The following ZC3HAV1 variants were observed in gnomAD, a reference collection of about 807,000 sequenced individuals.
ZC3HAV1 encodes zinc finger CCCH-type containing, antiviral 1.
Under a neutral mutation model 86.6 loss-of-function variants are expected in ZC3HAV1, and 41 were observed. That is an observed-to-expected ratio of 0.47 (90% CI 0.37 to 0.61). The LOEUF (loss-of-function observed/expected upper bound fraction) is 0.61, where lower values mean the gene tolerates loss of function less well. Among genes scored for constraint, ZC3HAV1 ranks in the 20% least tolerant of loss-of-function variants. ZC3HAV1 has a pLI of 0.00. For synonymous variants in ZC3HAV1, 421 were observed against 432.1 expected, an observed-to-expected ratio of 0.97 and a Z score of 0.32; for missense variants, 964 against 1,141.1, an observed-to-expected ratio of 0.84 and a Z score of 2.24.
intron 1 of ZC3HAV1, among the ~76,000 whole-genome samples, chr7:139,098,144 T>A (rs1278817085): frequency 6.6e-6 from 1 of 151,956 alleles, no homozygotes; most frequent in Non-Finnish European, 1.5e-5. Context: ...GAGATGGGGT[T>A]CCACCATCTC....
At chr7:139,068,435 C>A in intron 7 of ZC3HAV1, among the ~76,000 whole-genome samples, 1 of 152,146 alleles carries the variant, frequency 6.6e-6, no homozygotes, top group East Asian at 1.9e-4. Flanking sequence ...TCGTCTTGCA[C>A]CTGCTGTTTT....
intron 7 of ZC3HAV1, among the ~76,000 whole-genome samples, chr7:139,070,763 CTGAGGTCAGG>C (rs1241187291): frequency 3.3e-5 from 5 of 150,282 alleles, no homozygotes; most frequent in African/African-American, 1.2e-4. Flanking sequence ...GGCAGATCAC[CTGAGGTCAGG>C]AGTTCAAGAC....
intron 1 of ZC3HAV1, among the ~76,000 whole-genome samples, chr7:139,097,372 ATC>A (rs1455480286): frequency 1.5e-5 from 2 of 133,218 alleles, no homozygotes; most frequent in East Asian, 4.8e-4. Flanking sequence ...AAAACAATCC[ATC>A]ATGGATGGAA....
At chr7:139,076,511 C>A in intron 5 of ZC3HAV1, 102 bp from the exon 6 acceptor site, 5 of 1,483,070 alleles carry the variant, frequency 3.4e-6, no homozygotes, top group Non-Finnish European at 4.6e-6. Context: ...TGCCCTGCCC[C>A]CTGCCAGACA....
At position 139,056,036 on chromosome 7, in the gene ZC3HAV1, G is replaced by A. The variant is rs145302407; in HGVS notation, c.2097-741C>T. ...TAAGATGGGACAGAACCACTGGTAC[G>A]AAGCCATCAATTGTATAGCATACTT... On this transcript the variant is annotated intron_variant, in intron 9 of 12. Coordinates refer to ENST00000242351, the MANE Select transcript of ZC3HAV1 (RefSeq NM_020119.4). Among the ~76,000 whole-genome samples the A allele has an allele frequency of 4.6e-5, 7 of 152,276 alleles. No homozygotes were observed. The East Asian group carries it at 7.7e-4, about 17-fold the overall frequency.
rs536851474 is a variant in ZC3HAV1, at chr7:139,086,178, C to T, written c.445-2146G>A. Among the ~76,000 whole-genome samples, 146 of 152,220 alleles carry T rather than the reference C, an allele frequency of 9.6e-4. 2 individuals are homozygous for T. The highest frequency in any genetic ancestry group is 3.3e-3 in the African/African-American group (138 of 41,534). ...CTATGAAAAAATTCCATCCTACTCC[C>T]CTAAGTTAAAACACTCCTTTAGAGC... On this transcript the variant is annotated intron_variant, in intron 2 of 12. Coordinates refer to ENST00000242351, the MANE Select transcript of ZC3HAV1 (RefSeq NM_020119.4).
chr7:139,086,922 C>T (rs1306753522), intron 2 of ZC3HAV1, among the ~76,000 whole-genome samples: 1 of 152,180 alleles, frequency 6.6e-6, no homozygotes, highest in Admixed American at 6.5e-5. Flanking sequence ...CCAATTAAAC[C>T]TCTTTTCTTT....
Position 139,053,618 on chromosome 7 carries a change from C to G in ZC3HAV1, c.2319-37G>C, listed in dbSNP as rs374915446. 3.9e-6 allele frequency: 6 copies of G among 1,535,928 alleles called. No homozygotes were observed. In the African/African-American group the frequency reaches 8.3e-5, roughly 21 times the overall value. ...GATGTGAGACTTAACACGGAGACAT[C>G]CCCTTCCCACTCCAGTTGATAACAT... On this transcript the variant is annotated intron_variant, in intron 11 of 12. Transcript: ENST00000242351.
At chr7:139,074,394 G>A (rs182086716) in intron 6 of ZC3HAV1, among the ~76,000 whole-genome samples, 2 of 152,220 alleles carry the variant, frequency 1.3e-5, no homozygotes, top group Admixed American at 1.3e-4. Context: ...AAAATGTGGA[G>A]ACCCTTGCAG....
At chr7:139,097,428 A>ATATATTT in intron 1 of ZC3HAV1, among the ~76,000 whole-genome samples, 36 of 48,164 alleles carry the variant, frequency 7.5e-4, no homozygotes, top group African/African-American at 3.7e-3. Flanking sequence ...ATATATATAT[A>ATATATTT]TTTTTTTTTT....
intron 9 of ZC3HAV1, among the ~76,000 whole-genome samples, chr7:139,056,107 A>G (rs1816272772): frequency 6.6e-6 from 1 of 152,186 alleles, no homozygotes; most frequent in South Asian, 2.1e-4. Flanking sequence ...AAATCTAATG[A>G]TCAATTTATA....
intron 1 of ZC3HAV1, among the ~76,000 whole-genome samples, chr7:139,092,578 C>A (rs936458815): frequency 1.3e-5 from 2 of 152,218 alleles, no homozygotes; most frequent in Admixed American, 6.5e-5. Context: ...AGGAGTGTGG[C>A]ACTTCCAGGG....
chr7:139,066,277 C>T (rs974019593), intron 7 of ZC3HAV1, among the ~76,000 whole-genome samples: 4 of 152,076 alleles, frequency 2.6e-5, no homozygotes, highest in East Asian at 1.9e-4. Flanking sequence ...TCAGCTGGAC[C>T]GACGCCCCTT....
intron 4 of ZC3HAV1, chr7:139,079,126 CCTTGTGAGCTCG>C: frequency 6.5e-7 from 1 of 1,536,162 alleles, no homozygotes; most frequent in Non-Finnish European, 8.7e-7. Context: ...CTGTTGTCTT[CCTTGTGAGCTCG>C]CTGGCAGAGG....
chr7:139,094,895 C>T (rs940558488), intron 1 of ZC3HAV1, among the ~76,000 whole-genome samples: 12 of 151,926 alleles, frequency 7.9e-5, no homozygotes, highest in East Asian at 1.9e-4. Flanking sequence ...ATGTTCACCT[C>T]GGAGCTCTTG....
rs537433787 is a variant in ZC3HAV1, at chr7:139,095,529, C to T, written c.309-5770G>A. Among the ~76,000 whole-genome samples, 5 of 152,338 alleles carry T rather than the reference C, an allele frequency of 3.3e-5. 1 individual carries two copies. In the South Asian group the frequency reaches 8.3e-4, roughly 25 times the overall value. On this transcript the variant is annotated intron_variant, in intron 1 of 12. Transcript: ENST00000242351. ...GCAGAAAATGGTGAACCTAAGGCTGCAGCCACGGCAAGCCACAGCCTGCAC... is the reference window on the plus strand; with the variant it reads ...GCAGAAAATGGTGAACCTAAGGCTGTAGCCACGGCAAGCCACAGCCTGCAC...
At chr7:139,047,884 A>G in intron 12 of ZC3HAV1, 31 bp from the exon 13 acceptor site, 1 of 1,594,706 alleles carries the variant, frequency 6.3e-7, no homozygotes, top group Middle Eastern at 1.7e-4. Flanking sequence ...AAGTTAAGAA[A>G]TATTATAAAA....
Position 139,053,539 on chromosome 7 carries a change from A to T in ZC3HAV1, c.2361T>A (p.Tyr787Ter). 3 of 1,605,618 alleles carry T rather than the reference A, an allele frequency of 1.9e-6. No individual in the cohort carries two copies. Among genetic ancestry groups the T allele is most frequent in the East Asian group, 2.2e-5 (1 of 44,608 alleles). ...ATTCCACATAGGCACGGCTTGTCGC[A>T]TAAAATAGGAGTTTTCCTTCTTCCT... is the stretch of plus-strand genomic sequence containing the variant. ...QMKEEGKLLF[Y>*]ATSRAYVESI... Residue 787 changes from tyrosine to a stop codon, truncating the protein, a stop_gained, in exon 12 of 13, where the codon TAT becomes TAA. Transcript: ENST00000242351. LOFTEE classifies it high-confidence loss of function.
At position 139,070,694 on chromosome 7, in the gene ZC3HAV1, G is replaced by A. The variant is rs1816749425; in HGVS notation, c.1872+3162C>T. 2.0e-5 allele frequency among the ~76,000 whole-genome samples: 3 copies of A among 147,084 alleles called. No individual in the cohort carries two copies. In the Admixed American group the frequency reaches 2.1e-4, roughly 10 times the overall value. ...AAAAAAAAAAAAAAACCTCAGGAAG[G>A]GCTGGGTTGGGTGCGGTGGCTTACA... On this transcript the variant is annotated intron_variant, in intron 7 of 12. Transcript: ENST00000242351.
Sources: gnomAD v4.1 joint callset for allele counts (sites outside exome capture counted in the v4.1 genomes callset) on GRCh38, gnomAD v4.1.1 for gene constraint, MANE v1.5 for transcripts, NCBI Gene and HGNC (gene_info 2026-07-23, HGNC 2026-07-21) for gene names.